CAPS2: variants seen among roughly 807,000 people sequenced by gnomAD.
The protein encoded by CAPS2 is calcyphosine 2.
CAPS2 carries 98 observed loss-of-function variants against 86.5 expected under a neutral mutation model. The observed-to-expected ratio is 1.13, with a 90% CI of 0.96 to 1.34. CAPS2 has a LOEUF of 1.34. Ranked by LOEUF, CAPS2 falls within the 40% of genes most tolerant of loss-of-function variation. CAPS2 has a pLI of 0.00. For missense variants in CAPS2, 729 were observed against 686.8 expected (o/e 1.06, Z -0.69); for synonymous variants, 210 against 225.1 (o/e 0.93, Z 0.60).
At chr12:75,314,938 G>T (rs929077383) in intron 6 of CAPS2, among the ~76,000 whole-genome samples, 1 of 152,104 alleles carries the variant, frequency 6.6e-6, no homozygotes, top group African/African-American at 2.4e-5. Context: ...AAATGACAAA[G>T]GAGCTAGATG....
intron 1 of CAPS2, among the ~76,000 whole-genome samples, chr12:75,359,081 C>T (rs942762415): frequency 1.3e-5 from 2 of 150,336 alleles, no homozygotes; most frequent in Non-Finnish European, 3.0e-5. Context: ...TACCAAAACT[C>T]ATCTAAAACA....
chr12:75,291,822 T>G lies in CAPS2; in HGVS notation c.1164-2A>C. 6.6e-7 allele frequency: 1 copy of G among 1,507,132 alleles called. No homozygotes were observed. Among genetic ancestry groups the G allele is most frequent in the South Asian group, 1.2e-5 (1 of 81,048 alleles). 93.4% of individuals were successfully genotyped at this position (1,507,132 alleles called of 1,614,324 possible). ...TCCTCCTGTTCCATAGAAGCAGTTC[T>G]GCAATTGACATGTTCACAGGGATGA... On this transcript the variant is annotated splice_acceptor_variant, in intron 12 of 16. Coordinates refer to ENST00000393284, the Ensembl canonical transcript of CAPS2. LOFTEE classifies it high-confidence loss of function.
chr12:75,308,233 C>T (rs1328043608), intron 7 of CAPS2, among the ~76,000 whole-genome samples: 1 of 152,192 alleles, frequency 6.6e-6, no homozygotes, highest in Non-Finnish European at 1.5e-5. Context: ...TCACTTTCCA[C>T]AACCAATTAG....
chr12:75,346,936 T>C (rs1450797954), intron 1 of CAPS2, among the ~76,000 whole-genome samples: 1 of 152,122 alleles, frequency 6.6e-6, no homozygotes, highest in African/African-American at 2.4e-5. Flanking sequence ...CTTTTTTGTT[T>C]ATTTGGAAAA....
chr12:75,300,331 T>C (rs1215081071), intron 8 of CAPS2, among the ~76,000 whole-genome samples: 1 of 151,244 alleles, frequency 6.6e-6, no homozygotes, highest in Non-Finnish European at 1.5e-5. Flanking sequence ...CCGAGGCGGG[T>C]GGATCACGAG....
chr12:75,302,987 A>G (rs2037999175), intron 8 of CAPS2, among the ~76,000 whole-genome samples: 1 of 152,218 alleles, frequency 6.6e-6, no homozygotes, highest in Non-Finnish European at 1.5e-5. Flanking sequence ...AGCTGAACAT[A>G]TGGATACTAA....
intron 7 of CAPS2, chr12:75,306,348 G>A: frequency 4.1e-6 from 2 of 485,940 alleles, no homozygotes; most frequent in Non-Finnish European, 7.5e-6. Context: ...CTGTAACAGT[G>A]TCTCTGAGGA....
At chr12:75,354,158 G>GA (rs1419900751) in intron 1 of CAPS2, among the ~76,000 whole-genome samples, 32 of 89,164 alleles carry the variant, frequency 3.6e-4, no homozygotes, top group East Asian at 1.7e-3. Context: ...TCAGGGAAGA[G>GA]AAAAAAAAGG....
intron 2 of CAPS2, among the ~76,000 whole-genome samples, chr12:75,323,768 T>C (rs2040523063): frequency 6.6e-6 from 1 of 152,078 alleles, no homozygotes; most frequent in South Asian, 2.1e-4. Context: ...AATAAATAAA[T>C]ACTCAAAATT....
chr12:75,318,530 C>T (rs1157341245), intron 5 of CAPS2, among the ~76,000 whole-genome samples: 1 of 152,116 alleles, frequency 6.6e-6, no homozygotes, highest in Non-Finnish European at 1.5e-5. Flanking sequence ...TTTGACCACA[C>T]TGTCCTCCTC....
intron 9 of CAPS2, 76 bp from the exon 10 acceptor site, chr12:75,299,042 C>A: frequency 1.1e-6 from 1 of 946,692 alleles, no homozygotes. Flanking sequence ...ACATGTTCAT[C>A]TCAAGAAGGA....
downstream of CAPS2, chr12:75,277,165 G>C: frequency 1.0e-6 from 1 of 980,310 alleles, no homozygotes; most frequent in Non-Finnish European, 1.2e-6. Flanking sequence ...TTAATACTAA[G>C]AGTATGCTGT....
chr12:75,363,868 G>A (rs1049221668), intron 1 of CAPS2, among the ~76,000 whole-genome samples: 1 of 152,126 alleles, frequency 6.6e-6, no homozygotes, highest in Non-Finnish European at 1.5e-5. Context: ...ATCAATACAT[G>A]CAAGATGTAC....
chr12:75,351,735 C>G (rs1013751769), intron 1 of CAPS2, among the ~76,000 whole-genome samples: 1 of 152,008 alleles, frequency 6.6e-6, no homozygotes, highest in African/African-American at 2.4e-5. Flanking sequence ...TTAGTACAGA[C>G]GGGGTTTTGC....
chr12:75,352,713 C>T (rs2139458541), intron 1 of CAPS2, among the ~76,000 whole-genome samples: 1 of 152,294 alleles, frequency 6.6e-6, no homozygotes, highest in South Asian at 2.1e-4. Flanking sequence ...CTTCTCAGTG[C>T]CACAAGGCAC....
At chr12:75,299,890 T>C in exon 9 of CAPS2, 1 of 1,505,052 alleles carries the variant, frequency 6.6e-7, no homozygotes, top group African/African-American at 1.4e-5. Context: ...CATTTTCAGT[T>C]AATGTAGAAT....
intron 14 of CAPS2, among the ~76,000 whole-genome samples, chr12:75,287,196 G>T (rs1409683760): frequency 6.6e-6 from 1 of 151,566 alleles, no homozygotes; most frequent in African/African-American, 2.4e-5. Flanking sequence ...TATTATGACA[G>T]TTGGGCACTT....
At chr12:75,369,972 T>C in intron 1 of CAPS2, 1 of 1,073,204 alleles carries the variant, frequency 9.3e-7, no homozygotes, top group South Asian at 1.6e-5. Flanking sequence ...ACTCCACAAC[T>C]TATTATACCT....
chr12:75,369,312 T>C (rs1175775685), intron 1 of CAPS2, among the ~76,000 whole-genome samples: 1 of 145,306 alleles, frequency 6.9e-6, no homozygotes, highest in Non-Finnish European at 1.5e-5. Context: ...TTACTCATCT[T>C]ATTTATTTAT....
Sources: gnomAD v4.1 joint callset for allele counts (sites outside exome capture counted in the v4.1 genomes callset) on GRCh38, gnomAD v4.1.1 for gene constraint, MANE v1.5 for transcripts, NCBI Gene and HGNC (gene_info 2026-07-23, HGNC 2026-07-21) for gene names.